The following PDE4D variants were observed in gnomAD, a reference collection of about 807,000 sequenced individuals.
PDE4D encodes the protein phosphodiesterase 4D, also known as 3',5'-cyclic-AMP phosphodiesterase 4D.
Under a neutral mutation model 87.4 loss-of-function variants are expected in PDE4D, and 24 were observed. The ratio of observed to expected loss-of-function variants is 0.27; its 90% CI spans 0.20 to 0.39. The LOEUF (loss-of-function observed/expected upper bound fraction) is 0.39, where lower values mean the gene tolerates loss of function less well. Among genes scored for constraint, PDE4D ranks in the 10% least tolerant of loss-of-function variants. PDE4D has a pLI of 1.00. For missense variants in PDE4D, 714 were observed against 1,041.0 expected (o/e 0.69, Z 4.32); for synonymous variants, 384 against 383.2 (o/e 1.00, Z -0.02).
At chr5:60,355,876 G>C (rs1004414210) in intron 1 of PDE4D, among the ~76,000 whole-genome samples, 1 of 152,004 alleles carries the variant, frequency 6.6e-6, no homozygotes, top group East Asian at 1.9e-4. Flanking sequence ...GAAGAGAAGG[G>C]GTTGGTCTTA....
chr5:59,646,364 G>T (rs1165849217), intron 1 of PDE4D, among the ~76,000 whole-genome samples: 1 of 152,052 alleles, frequency 6.6e-6, no homozygotes, highest in East Asian at 1.9e-4. Flanking sequence ...TGTATTAGCC[G>T]AACTGCAAAT....
At chr5:59,669,340 G>A (rs547848460) in intron 1 of PDE4D, among the ~76,000 whole-genome samples, 4 of 152,202 alleles carry the variant, frequency 2.6e-5, no homozygotes, top group South Asian at 4.1e-4. Flanking sequence ...TCAAACTCCC[G>A]ACCTCAGGTT....
At chr5:60,250,012 T>G (rs934708061) in intron 1 of PDE4D, among the ~76,000 whole-genome samples, 5 of 151,982 alleles carry the variant, frequency 3.3e-5, no homozygotes, top group African/African-American at 1.2e-4. Flanking sequence ...AAAAATCCTT[T>G]TCTGCCAAAA....
chr5:60,224,865 G>A (rs890156403), intron 1 of PDE4D, among the ~76,000 whole-genome samples: 1 of 152,002 alleles, frequency 6.6e-6, no homozygotes, highest in African/African-American at 2.4e-5. Context: ...GAGGCGGGGA[G>A]AGGGAAAGAG....
In PDE4D at chr5:59,860,703, G is replaced by A. The variant is rs1746126203; in HGVS notation, c.455+32465C>T. On this transcript the variant is annotated intron_variant, in intron 1 of 14. Coordinates refer to ENST00000340635, the MANE Select transcript of PDE4D (RefSeq NM_001104631.2). ...AGAAATAATAAGCATAAACATAATT[G>A]CAAATAAAATATAAACCGAAGGTCC... Among the ~76,000 whole-genome samples the A allele has an allele frequency of 2.0e-5, 3 of 151,956 alleles. No individual in the cohort carries two copies. In the South Asian group the frequency reaches 6.2e-4, roughly 32 times the overall value.
intron 1 of PDE4D, among the ~76,000 whole-genome samples, chr5:59,311,006 G>A (rs1772474613): frequency 6.6e-6 from 1 of 152,194 alleles, no homozygotes; most frequent in Non-Finnish European, 1.5e-5. Flanking sequence ...TTGCTGGAAT[G>A]CTCCAAACAA....
chr5:59,476,431 A>C (rs1286524428), intron 1 of PDE4D, among the ~76,000 whole-genome samples: 2 of 152,120 alleles, frequency 1.3e-5, no homozygotes, highest in African/African-American at 4.8e-5. Context: ...TCTTTAAAAA[A>C]TGCTAACTTA....
chr5:60,208,940 G>C (rs1470842531), intron 1 of PDE4D, among the ~76,000 whole-genome samples: 1 of 152,092 alleles, frequency 6.6e-6, no homozygotes, highest in Admixed American at 6.5e-5. Context: ...CCTCACTTGG[G>C]TTAGGCAGCC....
chr5:59,541,466 C>A (rs1325683323), intron 1 of PDE4D, among the ~76,000 whole-genome samples: 2 of 152,204 alleles, frequency 1.3e-5, no homozygotes, highest in East Asian at 3.8e-4. Context: ...AAACACCTAT[C>A]ATGACTTAAA....
At chr5:59,720,274 ACCTCAGTCT>A (rs951204813) in intron 1 of PDE4D, among the ~76,000 whole-genome samples, 6 of 152,034 alleles carry the variant, frequency 3.9e-5, no homozygotes, top group African/African-American at 1.2e-4. Context: ...CAATCCTCCC[ACCTCAGTCT>A]CCTGAGTAGC....
At chr5:59,357,368 C>T (rs544209539) in intron 1 of PDE4D, among the ~76,000 whole-genome samples, 3 of 152,328 alleles carry the variant, frequency 2.0e-5, no homozygotes, top group African/African-American at 7.2e-5. Flanking sequence ...TAACTGCCAA[C>T]TATAATTTTC....
chr5:60,078,270 G>A (rs1165548889), intron 2 of PDE4D, among the ~76,000 whole-genome samples: 1 of 152,146 alleles, frequency 6.6e-6, no homozygotes. Flanking sequence ...AGGTGAGTCT[G>A]CTAAATTAAA....
chr5:59,647,159 G>T (rs1742606759), intron 1 of PDE4D, among the ~76,000 whole-genome samples: 1 of 152,128 alleles, frequency 6.6e-6, no homozygotes, highest in Non-Finnish European at 1.5e-5. Context: ...AGTTGAAATG[G>T]AAGCTTTCAT....
intron 6 of PDE4D, among the ~76,000 whole-genome samples, chr5:59,003,286 G>A (rs868036530): frequency 1.6e-4 from 25 of 152,118 alleles, no homozygotes; most frequent in African/African-American, 5.3e-4. Flanking sequence ...AATCCCCAAC[G>A]CCAAGCCTAT....
intron 1 of PDE4D, among the ~76,000 whole-genome samples, chr5:59,254,542 C>T (rs1335243180): frequency 6.6e-6 from 1 of 152,004 alleles, no homozygotes; most frequent in South Asian, 2.1e-4. Flanking sequence ...ATGACTCAAA[C>T]AAAGCACAGG....
At chr5:59,046,539 A>G (rs1456249407) in intron 5 of PDE4D, among the ~76,000 whole-genome samples, 6 of 143,664 alleles carry the variant, frequency 4.2e-5, no homozygotes, top group Admixed American at 3.5e-4. Flanking sequence ...GTTATTGAAG[A>G]TGTGTGTGTG....
chr5:59,495,430 A>T (rs1806998327), intron 1 of PDE4D, among the ~76,000 whole-genome samples: 1 of 152,104 alleles, frequency 6.6e-6, no homozygotes, highest in Non-Finnish European at 1.5e-5. Context: ...ATCAATCCTC[A>T]ATCTCCATGT....
At chr5:59,654,903 T>C (rs145456591) in intron 1 of PDE4D, among the ~76,000 whole-genome samples, 169 of 152,330 alleles carry the variant, frequency 1.1e-3, no homozygotes, top group Non-Finnish European at 1.7e-3. Flanking sequence ...CTGAATTCTT[T>C]ATTGTTGAAT....
intron 2 of PDE4D, among the ~76,000 whole-genome samples, chr5:60,052,628 C>A (rs1350689892): frequency 1.3e-5 from 2 of 152,150 alleles, no homozygotes; most frequent in African/African-American, 4.8e-5. Context: ...AAAACAGGCA[C>A]AAGACAAGGA....
Sources: gnomAD v4.1 joint callset for allele counts (sites outside exome capture counted in the v4.1 genomes callset) on GRCh38, gnomAD v4.1.1 for gene constraint, MANE v1.5 for transcripts, NCBI Gene and HGNC (gene_info 2026-07-23, HGNC 2026-07-21) for gene names.